Variants in TC2N observed in about 807,000 individuals in gnomAD.
The protein encoded by TC2N is tandem C2 domains, nuclear, also known as tandem C2 domains nuclear protein.
In TC2N, 51 loss-of-function variants were observed where a neutral mutation model predicts 61.9. The ratio of observed to expected loss-of-function variants is 0.82; its 90% confidence interval spans 0.66 to 1.04. The LOEUF (loss-of-function observed/expected upper bound fraction) is 1.04. Ranked by LOEUF, TC2N falls within the 50% of genes least tolerant of loss-of-function variation. The probability of loss-of-function intolerance (pLI) is 0.00; values close to 1 mark genes in which losing one functional copy is unlikely to be tolerated. For synonymous variants in TC2N, 204 were observed against 192.6 expected, an observed-to-expected ratio of 1.06 and a Z score of -0.49; for missense variants, 556 against 566.7, an observed-to-expected ratio of 0.98 and a Z score of 0.19.
intron 10 of TC2N, 31 bp from the exon 11 acceptor site, chr14:91,785,392 T>C (rs1885316498): frequency 6.4e-7 from 1 of 1,559,248 alleles, no homozygotes; most frequent in South Asian, 1.1e-5. Flanking sequence ...GTTTATAAAA[T>C]GTTATTCAAA....
chr14:91,847,924 T>C (rs753523118), intron 1 of TC2N, among the ~76,000 whole-genome samples: 1 of 152,236 alleles, frequency 6.6e-6, no homozygotes, highest in Non-Finnish European at 1.5e-5. Flanking sequence ...TGTTCTGCAT[T>C]ATGTAAGTTT....
intron 1 of TC2N, chr14:91,866,207 C>A (rs1888699308): frequency 1.3e-5 from 2 of 152,110 alleles, no homozygotes; most frequent in Admixed American, 6.6e-5. Context: ...ACAGTAACCA[C>A]CCAGGCCACA....
intron 1 of TC2N, among the ~76,000 whole-genome samples, chr14:91,831,050 T>A (rs1167637526): frequency 1.3e-5 from 2 of 152,234 alleles, no homozygotes; most frequent in African/African-American, 2.4e-5. Context: ...AAGTTTCCCC[T>A]GTTTAGCAAA....
At chr14:91,803,481 C>T (rs1886362377) in intron 3 of TC2N, among the ~76,000 whole-genome samples, 1 of 151,530 alleles carries the variant, frequency 6.6e-6, no homozygotes, top group African/African-American at 2.4e-5. Context: ...GAAGTTGATT[C>T]TCACTCTGTT....
intron 1 of TC2N, among the ~76,000 whole-genome samples, chr14:91,858,589 G>A (rs1271258549): frequency 6.6e-6 from 1 of 152,158 alleles, no homozygotes; most frequent in African/African-American, 2.4e-5. Flanking sequence ...TTTTCCTAAT[G>A]AGTTCATTAG....
intron 8 of TC2N, 36 bp downstream of exon 8, chr14:91,797,749 A>G: frequency 1.5e-6 from 2 of 1,316,572 alleles, no homozygotes; most frequent in Non-Finnish European, 2.1e-6. Context: ...AAAAAAAAAA[A>G]ACAGAAAAGA....
intron 10 of TC2N, among the ~76,000 whole-genome samples, chr14:91,786,541 T>C (rs947713037): frequency 5.3e-5 from 8 of 152,092 alleles, no homozygotes; most frequent in Admixed American, 3.9e-4. Flanking sequence ...TACCTTTTCA[T>C]GCTTATTCTT....
chr14:91,815,953 A>G (rs1315627506), intron 1 of TC2N, among the ~76,000 whole-genome samples: 1 of 151,788 alleles, frequency 6.6e-6, no homozygotes, highest in Non-Finnish European at 1.5e-5. Context: ...TGTGTAAAAT[A>G]ATTAATGTCA....
intron 1 of TC2N, among the ~76,000 whole-genome samples, chr14:91,860,044 G>T (rs1888559955): frequency 6.6e-6 from 1 of 152,112 alleles, no homozygotes; most frequent in African/African-American, 2.4e-5. Context: ...TCTAACTAAG[G>T]ACCTAGTCAG....
chr14:91,852,084 A>G (rs766793655), intron 1 of TC2N, among the ~76,000 whole-genome samples: 2 of 152,228 alleles, frequency 1.3e-5, no homozygotes, highest in Non-Finnish European at 2.9e-5. Context: ...AATCCTTAAC[A>G]TTGTACTTGT....
At chr14:91,815,588 C>T (rs1448296719) in intron 1 of TC2N, among the ~76,000 whole-genome samples, 3 of 151,634 alleles carry the variant, frequency 2.0e-5, no homozygotes, top group Non-Finnish European at 3.0e-5. Flanking sequence ...AAACTCCATA[C>T]GTTTTTCACA....
intron 11 of TC2N, among the ~76,000 whole-genome samples, chr14:91,784,809 CAAAAT>C (rs996407695): frequency 3.9e-5 from 6 of 151,944 alleles, no homozygotes; most frequent in Non-Finnish European, 7.4e-5. Context: ...AAAGATTAAA[CAAAAT>C]AAATTTGATA....
chr14:91,793,288 T>C (rs1252175869), intron 8 of TC2N, among the ~76,000 whole-genome samples: 2 of 152,238 alleles, frequency 1.3e-5, no homozygotes, highest in Non-Finnish European at 2.9e-5. Flanking sequence ...TTCTTTGCCA[T>C]ACACTTCCTT....
At chr14:91,845,628 C>T (rs1048790225) in intron 1 of TC2N, among the ~76,000 whole-genome samples, 5 of 152,190 alleles carry the variant, frequency 3.3e-5, no homozygotes, top group Non-Finnish European at 7.3e-5. Context: ...TCTATTCCTA[C>T]CCTTACTTTG....
chr14:91,837,167 A>C lies in TC2N; in HGVS notation c.-56-23342T>G, dbSNP rs1888058187. ...TCTGGGCTTCCTTGGTGGAAATCTC[A>C]ACACTGCTTGGAAATGAGTTTCCTA... On this transcript the variant is annotated intron_variant, in intron 1 of 11. Coordinates refer to ENST00000435962, the MANE Select transcript of TC2N (RefSeq NM_001128596.3). This position sits in a 1 kb window ranked among gnomAD's most constrained non-coding sequence, Gnocchi z 4.2. 6.6e-6 allele frequency among the ~76,000 whole-genome samples: 1 copy of C among 152,174 alleles called. No individual in the cohort carries two copies. Among genetic ancestry groups the C allele is most frequent in the African/African-American group, 2.4e-5 (1 of 41,438 alleles).
intron 8 of TC2N, among the ~76,000 whole-genome samples, chr14:91,796,567 C>T (rs147867280): frequency 0.016 from 1,108 of 70,070 alleles, 10 homozygotes; most frequent in Admixed American, 0.028. Context: ...ATAGGGTGGA[C>T]CCCTAATGAC....
chr14:91,814,759 A>G (rs1322843454), intron 1 of TC2N, among the ~76,000 whole-genome samples: 1 of 151,712 alleles, frequency 6.6e-6, no homozygotes, highest in Non-Finnish European at 1.5e-5. Flanking sequence ...TAGTTTTGAT[A>G]AGAGAAATAG....
intron 8 of TC2N, among the ~76,000 whole-genome samples, chr14:91,795,312 G>C (rs1299591843): frequency 6.6e-6 from 1 of 152,132 alleles, no homozygotes; most frequent in Admixed American, 6.5e-5. Flanking sequence ...TTGAGAGGAT[G>C]GAATCCAATT....
chr14:91,825,659 T>C (rs979634987), intron 1 of TC2N, among the ~76,000 whole-genome samples: 1 of 152,198 alleles, frequency 6.6e-6, no homozygotes, highest in Admixed American at 6.5e-5. Context: ...TTTTGCACCT[T>C]TGAACTACGT....
Sources: gnomAD v4.1 joint callset for allele counts (sites outside exome capture counted in the v4.1 genomes callset) on GRCh38, gnomAD v4.1.1 for gene constraint, Gnocchi (gnomAD v3.1) non-coding constraint, MANE v1.5 for transcripts, NCBI Gene and HGNC (gene_info 2026-07-23, HGNC 2026-07-21) for gene names.